Variants in AGBL4 observed in about 807,000 individuals in gnomAD.
The protein encoded by AGBL4 is cytosolic carboxypeptidase 6.
AGBL4 carries 58 observed loss-of-function variants against 66.4 expected under a neutral mutation model. That is an observed-to-expected ratio of 0.87 (90% CI 0.71 to 1.09). AGBL4 has a LOEUF of 1.09. Among genes scored for constraint, AGBL4 ranks in the 50% least tolerant of loss-of-function variants. AGBL4 has a pLI of 0.00. For synonymous variants in AGBL4, 234 were observed against 222.9 expected (o/e 1.05, Z -0.44); for missense variants, 579 against 631.0 (o/e 0.92, Z 0.88).
intron 1 of AGBL4, among the ~76,000 whole-genome samples, chr1:49,877,147 T>C (rs1214360216): frequency 1.3e-5 from 2 of 151,552 alleles, no homozygotes; most frequent in Admixed American, 1.3e-4. Flanking sequence ...GAATACCCTT[T>C]ATTTCCGTCT....
chr1:48,923,308 C>A (rs967187401), intron 5 of AGBL4, among the ~76,000 whole-genome samples: 3 of 152,122 alleles, frequency 2.0e-5, no homozygotes, highest in Non-Finnish European at 2.9e-5. Flanking sequence ...TTCTGCTGAG[C>A]CACAGGGACT....
In AGBL4 at chr1:49,592,439, A is replaced by C. The variant is rs375789884; in HGVS notation, c.282+104874T>G. Among the ~76,000 whole-genome samples the C allele has an allele frequency of 1.4e-3, 211 of 152,198 alleles. 1 individual carries two copies. Among genetic ancestry groups the C allele is most frequent in the African/African-American group, 4.8e-3 (198 of 41,554 alleles). Reference sequence around the variant, plus strand: ...TACAAAATTAGCTGGGTGTGGTGGCAGGCACCTGTAATCCTAGCTACTTGG... The same window carrying C: ...TACAAAATTAGCTGGGTGTGGTGGCCGGCACCTGTAATCCTAGCTACTTGG... On this transcript the variant is annotated intron_variant, in intron 3 of 13. Transcript: ENST00000371839.
At chr1:49,223,747 G>T (rs1167774393) in intron 4 of AGBL4, among the ~76,000 whole-genome samples, 1 of 152,182 alleles carries the variant, frequency 6.6e-6, no homozygotes, top group Admixed American at 6.5e-5. Flanking sequence ...TTCATTAAGT[G>T]TTCCTGAATT....
At chr1:48,947,853 T>G (rs905761162) in intron 5 of AGBL4, among the ~76,000 whole-genome samples, 1 of 152,090 alleles carries the variant, frequency 6.6e-6, no homozygotes, top group Admixed American at 6.6e-5. Context: ...TCTCTCTCTT[T>G]TTGTTTTAAA....
At chr1:49,904,161 T>C (rs1183761066) in intron 1 of AGBL4, among the ~76,000 whole-genome samples, 1 of 152,166 alleles carries the variant, frequency 6.6e-6, no homozygotes, top group Non-Finnish European at 1.5e-5. Flanking sequence ...TGGATACTTT[T>C]CTTCACCTTA....
At chr1:48,994,108 C>T (rs1308087477) in intron 5 of AGBL4, among the ~76,000 whole-genome samples, 1 of 152,122 alleles carries the variant, frequency 6.6e-6, no homozygotes, top group African/African-American at 2.4e-5. Flanking sequence ...GATTCTAATT[C>T]ACCTCTCCAC....
intron 9 of AGBL4, among the ~76,000 whole-genome samples, chr1:48,621,883 T>C (rs1645419206): frequency 6.6e-6 from 1 of 152,144 alleles, no homozygotes; most frequent in Non-Finnish European, 1.5e-5. Flanking sequence ...AGGTTTCTAG[T>C]ACTGCAATTG....
intron 2 of AGBL4, among the ~76,000 whole-genome samples, chr1:49,732,022 G>A (rs1004456344): frequency 6.6e-6 from 1 of 152,158 alleles, no homozygotes; most frequent in Non-Finnish European, 1.5e-5. Context: ...CAGGCCATAA[G>A]GACCTACAGT....
chr1:48,831,444 C>T (rs1646549909), intron 6 of AGBL4, among the ~76,000 whole-genome samples: 1 of 152,206 alleles, frequency 6.6e-6, no homozygotes, highest in Admixed American at 6.5e-5. Context: ...CTGCTGAAGC[C>T]AAGTTCGACT....
At chr1:49,113,161 A>C (rs2148025279) in intron 4 of AGBL4, among the ~76,000 whole-genome samples, 1 of 151,882 alleles carries the variant, frequency 6.6e-6, no homozygotes, top group Admixed American at 6.6e-5. Context: ...CATGTTAGCC[A>C]GGATGGTCTT....
chr1:49,275,933 G>C (rs1644159026), intron 3 of AGBL4, among the ~76,000 whole-genome samples: 1 of 152,032 alleles, frequency 6.6e-6, no homozygotes, highest in African/African-American at 2.4e-5. Context: ...ACTCCGGAAA[G>C]CTCACTTGAA....
chr1:48,964,569 A>AT (rs1422840350), intron 5 of AGBL4, among the ~76,000 whole-genome samples: 1 of 152,084 alleles, frequency 6.6e-6, no homozygotes, highest in African/African-American at 2.4e-5. Context: ...TCATCTTCAC[A>AT]TTTTTTATAC....
chr1:49,581,992 A>G (rs1571100447), intron 3 of AGBL4, among the ~76,000 whole-genome samples: 1 of 152,114 alleles, frequency 6.6e-6, no homozygotes, highest in African/African-American at 2.4e-5. Context: ...AGGGGGTTGT[A>G]TGAGCTGGTC....
At chr1:49,823,475 A>C (rs1645421094) in intron 2 of AGBL4, among the ~76,000 whole-genome samples, 1 of 152,186 alleles carries the variant, frequency 6.6e-6, no homozygotes, top group African/African-American at 2.4e-5. Flanking sequence ...AGATCAGATA[A>C]TAATAGACCA....
chr1:49,877,498 A>C (rs543514047), intron 1 of AGBL4, among the ~76,000 whole-genome samples: 1 of 150,698 alleles, frequency 6.6e-6, no homozygotes, highest in Non-Finnish European at 1.5e-5. Flanking sequence ...CTTGCATCCC[A>C]GGGATGAAGC....
At chr1:48,769,730 C>T (rs1356848093) in intron 6 of AGBL4, among the ~76,000 whole-genome samples, 1 of 152,122 alleles carries the variant, frequency 6.6e-6, no homozygotes, top group African/African-American at 2.4e-5. Context: ...TTAATGAGAA[C>T]CTACTATATG....
At chr1:49,020,986 T>C (rs550325515) in intron 5 of AGBL4, among the ~76,000 whole-genome samples, 1 of 152,238 alleles carries the variant, frequency 6.6e-6, no homozygotes, top group South Asian at 2.1e-4. Flanking sequence ...CTGATGCAAG[T>C]CTGAGAGAAG....
intron 6 of AGBL4, among the ~76,000 whole-genome samples, chr1:48,756,319 C>T (rs998057769): frequency 6.6e-6 from 1 of 152,166 alleles, no homozygotes; most frequent in Non-Finnish European, 1.5e-5. Flanking sequence ...GTGGGTAATC[C>T]CCTCTGCTGT....
intron 6 of AGBL4, among the ~76,000 whole-genome samples, chr1:48,681,132 T>C (rs1646448546): frequency 6.6e-6 from 1 of 152,210 alleles, no homozygotes; most frequent in African/African-American, 2.4e-5. Flanking sequence ...ATACTTTCCT[T>C]ATTGGATCCT....
Sources: gnomAD v4.1 joint callset for allele counts (sites outside exome capture counted in the v4.1 genomes callset) on GRCh38, gnomAD v4.1.1 for gene constraint, MANE v1.5 for transcripts, NCBI Gene and HGNC (gene_info 2026-07-23, HGNC 2026-07-21) for gene names.